The following ZFHX2 variants were observed in gnomAD, a reference collection of about 807,000 sequenced individuals.
ZFHX2 encodes the protein zinc finger homeobox protein 2.
Under a neutral mutation model 164.8 loss-of-function variants are expected in ZFHX2, and 75 were observed. That is an observed-to-expected ratio of 0.46 (90% confidence interval 0.38 to 0.55). ZFHX2 has a LOEUF of 0.55. ZFHX2 is among the 20% of genes least tolerant of loss of function. ZFHX2 has a pLI of 0.00. For synonymous variants in ZFHX2, 1,217 were observed against 1,351.4 expected, an observed-to-expected ratio of 0.90 and a Z score of 2.18; for missense variants, 2,933 against 3,308.0, an observed-to-expected ratio of 0.89 and a Z score of 2.78.
chr14:23,523,087 T>C lies in ZFHX2; in HGVS notation c.6739+116A>G, dbSNP rs223123. ...TCCCTTCTTTCCCCCAAGAGCCTGATGCAAAGGAAGGCCACAGGAGATTGG... is the reference window on the plus strand; with the variant it reads ...TCCCTTCTTTCCCCCAAGAGCCTGACGCAAAGGAAGGCCACAGGAGATTGG... On this transcript the variant is annotated intron_variant, in intron 9 of 9. Coordinates refer to ENST00000419474, the MANE Select transcript of ZFHX2 (RefSeq NM_033400.3). This position sits in a 1 kb window ranked among gnomAD's most constrained non-coding sequence, Gnocchi z 4.1. 293,822 of 1,398,646 alleles carry C rather than the reference T, an allele frequency of 0.21. 32,858 individuals carry two copies. Among genetic ancestry groups the C allele is most frequent in the Admixed American group, 0.31 (9,673 of 31,478 alleles). The allele number at this position is 1,398,646 out of a possible 1,614,324, so 86.6% of individuals were successfully genotyped here. A position where few individuals can be genotyped will look rare whatever the true frequency, so the allele number is the denominator to read the frequency against.
At position 23,524,262 on chromosome 14, in the gene ZFHX2, C is replaced by A; in HGVS notation, c.5680G>T (p.Val1894Leu). Residue 1894 changes from valine (V) to leucine (L), a missense_variant, in exon 9 of 10, where the codon GTG becomes TTG. Transcript: ENST00000419474. The surrounding 1 kb of genome is among the most constrained non-coding windows in gnomAD (Gnocchi z 5.6). ...TGTACCACTCGCTTTTTGAGCCCCA[C>A]CTCCTCGGAGATGCAGTCGAGCATC... The part of the protein sequence containing the change: ...RKMLDCISEE[V>L]GLKKRVVQVW... The A allele has an allele frequency of 3.3e-6, 5 of 1,536,388 alleles. No homozygotes were observed. Among genetic ancestry groups the A allele is most frequent in the Non-Finnish European group, 3.5e-6 (4 of 1,146,952 alleles).
At chr14:23,529,012 T>C (rs540018280) in intron 6 of ZFHX2, among the ~76,000 whole-genome samples, 27 of 152,366 alleles carry the variant, frequency 1.8e-4, no homozygotes, top group Middle Eastern at 3.4e-3. Flanking sequence ...GAAGAAAAGA[T>C]GCTGAGGACA....
intron 1 of ZFHX2, chr14:23,538,035 A>G (rs746661232): frequency 2.6e-5 from 4 of 152,444 alleles, no homozygotes; most frequent in Non-Finnish European, 5.9e-5. Context: ...CACAGCTCAG[A>G]GTAGGGCTAG....
rs573380190 is a variant in ZFHX2, at chr14:23,521,394, G to C, written c.*568C>G. On this transcript the variant is annotated 3_prime_UTR_variant, in exon 10 of 10. Transcript: ENST00000419474. ...AACTGAGCATTTGGAAAGAGTTTGT[G>C]AGCGGTGTGGTGCTCTAGACAAAGG... 6.6e-6 allele frequency: 1 copy of C among 152,550 alleles called. No individual in the cohort carries two copies. The highest frequency in any genetic ancestry group is 2.1e-4 in the South Asian group (1 of 4,832). 9.4% of individuals were successfully genotyped at this position (152,550 alleles called of 1,614,324 possible).
intron 6 of ZFHX2, 136 bp downstream of exon 6, chr14:23,529,574 G>A (rs1486683925): frequency 1.7e-5 from 15 of 904,580 alleles, no homozygotes; most frequent in Non-Finnish European, 2.4e-5. Context: ...CTGGATCTGG[G>A]TGGAATTTCT....
At position 23,523,092 on chromosome 14, in the gene ZFHX2, A is replaced by C; in HGVS notation, c.6739+111T>G. ...TCTTTCCCCCAAGAGCCTGATGCAAAGGAAGGCCACAGGAGATTGGGCATG... is the reference window on the plus strand; with the variant it reads ...TCTTTCCCCCAAGAGCCTGATGCAACGGAAGGCCACAGGAGATTGGGCATG... On this transcript the variant is annotated intron_variant, in intron 9 of 9. Transcript: ENST00000419474. This position sits in a 1 kb window ranked among gnomAD's most constrained non-coding sequence, Gnocchi z 4.1. 7.1e-7 allele frequency: 1 copy of C among 1,400,460 alleles called. No homozygotes were observed. The highest frequency in any genetic ancestry group is 3.2e-5 in the Admixed American group (1 of 31,502). The allele number at this position is 1,400,460 out of a possible 1,614,324, so 86.8% of individuals were successfully genotyped here.
chr14:23,524,649 G>A lies in ZFHX2; in HGVS notation c.5293C>T (p.Pro1765Ser). ...KEPEEKATPS[P>S]SPAHTCDQCA... ...TGGTCACAGGTATGGGCTGGGGAAG[G>A]TGATGGAGTAGCCTTCTCTTCAGGC... The change falls in exon 9 of 10, where the codon CCT becomes TCT. Residue 1765 changes from proline to serine, a missense_variant. By Grantham distance (74) the Pro-to-Ser change is moderately conservative. Coordinates refer to ENST00000419474, the MANE Select transcript of ZFHX2 (RefSeq NM_033400.3). The surrounding 1 kb of genome is among the most constrained non-coding windows in gnomAD (Gnocchi z 5.6). The A allele has an allele frequency of 6.5e-7, 1 of 1,536,404 alleles. No individual in the cohort carries two copies. The highest frequency in any genetic ancestry group is 2.4e-5 in the East Asian group (1 of 40,902).
chr14:23,548,018 C>T (rs1749158154), intron 1 of ZFHX2, among the ~76,000 whole-genome samples: 3 of 152,198 alleles, frequency 2.0e-5, no homozygotes, highest in South Asian at 4.1e-4. Flanking sequence ...ACAACCCTTC[C>T]CTTTTCTCAA....
Position 23,522,109 on chromosome 14 carries a change from G to A in ZFHX2, c.7572C>T (p.Ala2524=), listed in dbSNP as rs562625313. The change falls in exon 10 of 10, where the codon GCC becomes GCT. Residue 2524 remains alanine, a synonymous_variant. Coordinates refer to ENST00000419474, the MANE Select transcript of ZFHX2 (RefSeq NM_033400.3). ...LRSSAHRRKA[A]PPQGGPPISI... ...AGATGGGTGGGCCCCCTTGAGGTGGGGCTGCCTTGCGCCTGTGGGCCGAGG... is the reference window on the plus strand; with the variant it reads ...AGATGGGTGGGCCCCCTTGAGGTGGAGCTGCCTTGCGCCTGTGGGCCGAGG... 5.9e-6 allele frequency: 9 copies of A among 1,534,866 alleles called. No homozygotes were observed. The South Asian group carries it at 9.5e-5, about 16-fold the overall frequency.
Position 23,525,783 on chromosome 14 carries a change from G to A in ZFHX2, c.4159C>T (p.Leu1387=), listed in dbSNP as rs377759483. The A allele has an allele frequency of 1.5e-5, 22 of 1,498,348 alleles. No homozygotes were observed. In the East Asian group the frequency reaches 2.0e-4, roughly 13 times the overall value. The allele number at this position is 1,498,348 out of a possible 1,614,324, so 92.8% of individuals were successfully genotyped here. The change falls in exon 9 of 10, where the codon CTG becomes TTG. Residue 1387 remains leucine (L), a synonymous_variant. Coordinates refer to ENST00000419474, the MANE Select transcript of ZFHX2 (RefSeq NM_033400.3). The surrounding 1 kb of genome is among the most constrained non-coding windows in gnomAD (Gnocchi z 5.9). ...KLTLAGPAPV[L]SLPAATPPPP... ...GGAGGGGTGGCAGCTGGCAGGGACA[G>A]CACAGGTGCAGGCCCAGCTAGTGTC...
intron 1 of ZFHX2, among the ~76,000 whole-genome samples, chr14:23,549,310 C>T (rs1279899887): frequency 1.3e-5 from 2 of 152,012 alleles, no homozygotes; most frequent in African/African-American, 2.4e-5. Flanking sequence ...TTTATTGCAC[C>T]GACCACCCCT....
Position 23,526,297 on chromosome 14 carries a change from G to A in ZFHX2, c.3645C>T (p.His1215=). The change falls in exon 9 of 10, where the codon CAC becomes CAT. Residue 1215 remains histidine, a synonymous_variant. Transcript: ENST00000419474. ...TGGCAGCCTTCTTCATCTTGTGAAG[G>A]TGGGAGACAGAATTATAATGAACCA... ...ILLVHYNSVS[H]LHKMKKAAID... 2.0e-6 allele frequency: 3 copies of A among 1,536,326 alleles called. No individual in the cohort carries two copies. In the South Asian group the frequency reaches 3.6e-5, roughly 18 times the overall value.
intron 1 of ZFHX2, among the ~76,000 whole-genome samples, chr14:23,544,763 G>C (rs1881206378): frequency 6.6e-6 from 1 of 152,204 alleles, no homozygotes; most frequent in Non-Finnish European, 1.5e-5. Context: ...ATTAGAGATG[G>C]AGATGAGGCC....
At chr14:23,554,727 A>T (rs915442488), upstream of ZFHX2, among the ~76,000 whole-genome samples, 17 of 152,004 alleles carry the variant, frequency 1.1e-4, 1 homozygote, top group African/African-American at 4.1e-4. Context: ...TCTCCCTATA[A>T]TACCTCTCAC....
chr14:23,542,516 A>C (rs1308246817), intron 1 of ZFHX2, among the ~76,000 whole-genome samples: 3 of 152,128 alleles, frequency 2.0e-5, no homozygotes, highest in African/African-American at 4.8e-5. Flanking sequence ...GCTCTGCTGC[A>C]CAGATCTATG....
At chr14:23,542,334 CAGG>C (rs1880909505) in intron 1 of ZFHX2, 1 of 151,764 alleles carries the variant, frequency 6.6e-6, no homozygotes, top group Non-Finnish European at 1.5e-5. Flanking sequence ...AGGGAGCAGA[CAGG>C]AGGAGAAGGG....
chr14:23,521,894 C>CCAAA lies in ZFHX2; in HGVS notation c.*67_*68insTTTG, dbSNP rs1309180062. 3 of 1,521,198 alleles carry CCAAA rather than the reference C, an allele frequency of 2.0e-6. No homozygotes were observed. The highest frequency in any genetic ancestry group is 2.0e-5 in the Admixed American group (1 of 49,344). 94.2% of individuals were successfully genotyped at this position (1,521,198 alleles called of 1,614,324 possible). A position where few individuals can be genotyped will look rare whatever the true frequency, so the allele number is the denominator to read the frequency against. ...GTGGGGTGAGGGATTTGAGCTCCCA[C>CCAAA]CGAACACCCCTTGGGGTAAAAGAGG... On this transcript the variant is annotated 3_prime_UTR_variant, in exon 10 of 10. Transcript: ENST00000419474.
In ZFHX2 at chr14:23,522,577, C is replaced by T. The variant is rs970999032; in HGVS notation, c.7104G>A (p.Gly2368=). ...TGCCATAGAGCTGTTGGAAGTAGGC[C>T]CCCTGTAGCTGGGGGCCAAAGACAG... is the stretch of plus-strand genomic sequence containing the variant. ...PPAVFGPQLQ[G]AYFQQLYGMK... Residue 2368 remains glycine (G), a synonymous_variant, in exon 10 of 10, where the codon GGG becomes GGA. Coordinates refer to ENST00000419474, the MANE Select transcript of ZFHX2 (RefSeq NM_033400.3). 13 of 1,526,914 alleles carry T rather than the reference C, an allele frequency of 8.5e-6. No homozygotes were observed. The highest frequency in any genetic ancestry group is 1.4e-5 in the African/African-American group (1 of 72,628). The allele number at this position is 1,526,914 out of a possible 1,614,324, so 94.6% of individuals were successfully genotyped here. A position where few individuals can be genotyped will look rare whatever the true frequency, so the allele number is the denominator to read the frequency against.
rs1291588314 is a variant in ZFHX2 at position 23,523,909 on chromosome 14, C to T, written c.6033G>A (p.Glu2011=). Residue 2011 remains glutamate (E), a synonymous_variant, in exon 9 of 10, where the codon GAG becomes GAA. Transcript: ENST00000419474. The surrounding 1 kb of genome is among the most constrained non-coding windows in gnomAD (Gnocchi z 4.1). ...TCTCTGGAGAAGCTTTAGGTGGTTC[C>T]TCTGGGCCCTCTTCCTCACTGGGTG... ...PPPPSEEEGP[E]EPPKASPESE... 1.3e-6 allele frequency: 2 copies of T among 1,536,218 alleles called. No individual in the cohort carries two copies. Among genetic ancestry groups the T allele is most frequent in the Admixed American group, 3.9e-5 (2 of 51,000 alleles).
Sources: allele counts gnomAD v4.1 joint callset (sites outside exome capture counted in the v4.1 genomes callset), GRCh38; gene constraint gnomAD v4.1.1; non-coding constraint Gnocchi (gnomAD v3.1); transcripts MANE v1.5; gene names NCBI Gene and HGNC (gene_info 2026-07-23, HGNC 2026-07-21).